KPNA2: variants seen among roughly 807,000 people sequenced by gnomAD.
The protein encoded by KPNA2 is karyopherin subunit alpha 2.
KPNA2 carries 20 observed loss-of-function variants against 53.7 expected under a neutral mutation model. The ratio of observed to expected loss-of-function variants is 0.37; its 90% confidence interval spans 0.26 to 0.54. The LOEUF is 0.54. KPNA2 is among the 20% of genes least tolerant of loss of function. KPNA2 has a pLI of 0.83. For synonymous variants in KPNA2, 238 were observed against 227.5 expected (o/e 1.05, Z -0.42); for missense variants, 515 against 640.3 (o/e 0.80, Z 2.11).
Position 68,040,758 on chromosome 17 carries a change from A to G in KPNA2, c.294A>G (p.Gln98=). 6.3e-7 allele frequency: 1 copy of G among 1,599,798 alleles called. No individual in the cohort carries two copies. The highest frequency in any genetic ancestry group is 1.1e-5 in the South Asian group (1 of 90,940). ...SNVENQLQAT[Q]AARKLLSREK... ...TGGAAAATCAGCTCCAAGCTACTCA[A>G]GCTGCCAGGTAAGTCTTGTCTGCGA... Residue 98 remains glutamine, a synonymous_variant, in exon 4 of 11, where the codon CAA becomes CAG. Coordinates refer to ENST00000330459, the MANE Select transcript of KPNA2 (RefSeq NM_002266.4).
Position 68,043,114 on chromosome 17 carries a change from T to G in KPNA2, c.681T>G (p.Arg227=), listed in dbSNP as rs2071282256. Residue 227 remains arginine (R), a synonymous_variant, in exon 7 of 11, where the codon CGT becomes CGG. Transcript: ENST00000330459. Reference sequence around the variant, plus strand: ...TTTTCCCCCAGTGTGGCTACTTACGTAATCTTACCTGGACACTTTCTAATC... The same window carrying G: ...TTTTCCCCCAGTGTGGCTACTTACGGAATCTTACCTGGACACTTTCTAATC... The part of the protein sequence containing the change: ...DMSSLACGYL[R]NLTWTLSNLC... 1 of 1,614,146 alleles carries G rather than the reference T, an allele frequency of 6.2e-7. No individual in the cohort carries two copies. Among genetic ancestry groups the G allele is most frequent in the Non-Finnish European group, 8.5e-7 (1 of 1,180,040 alleles).
intron 3 of KPNA2, among the ~76,000 whole-genome samples, chr17:68,039,126 T>C (rs2071223295): frequency 1.3e-5 from 2 of 152,096 alleles, no homozygotes. Context: ...ATGCTTCCTT[T>C]TTTTTTTGTT....
intron 1 of KPNA2, 90 bp from the exon 2 acceptor site, chr17:68,037,020 T>C (rs1490850892): frequency 2.3e-6 from 2 of 868,278 alleles, no homozygotes; most frequent in East Asian, 2.4e-5. Flanking sequence ...GTGGATTCAG[T>C]AGATGCTTGA....
At position 68,042,984 on chromosome 17, in the gene KPNA2, T is replaced by TA; in HGVS notation, c.652dup (p.Met218AsnfsTer11). 6.2e-7 allele frequency: 1 copy of TA among 1,613,636 alleles called. No individual in the cohort carries two copies. ...TGTTGGCTCTCCTTGCAGTTCCTGA[T>TA]ATGTCATCTTTAGCAGTAAGTTACT... is the stretch of plus-strand genomic sequence containing the variant. On this transcript the variant is annotated frameshift_variant, in exon 6 of 11. Coordinates refer to ENST00000330459, the MANE Select transcript of KPNA2 (RefSeq NM_002266.4). LOFTEE classifies it high-confidence loss of function.
At chr17:68,038,696 T>C (rs2071219109) in intron 3 of KPNA2, among the ~76,000 whole-genome samples, 1 of 151,980 alleles carries the variant, frequency 6.6e-6, no homozygotes, top group Non-Finnish European at 1.5e-5. Context: ...TGAAACTCCG[T>C]CTCAAGGAAA....
intron 5 of KPNA2, among the ~76,000 whole-genome samples, 186 bp downstream of exon 5, chr17:68,042,539 T>C (rs957716956): frequency 6.6e-6 from 1 of 152,206 alleles, no homozygotes; most frequent in African/African-American, 2.4e-5. Context: ...GAGTTTTTGC[T>C]GGTGCATTCA....
At chr17:68,037,245 A>T (rs2144205858) in intron 2 of KPNA2, 38 bp downstream of exon 2, 8 of 1,590,846 alleles carry the variant, frequency 5.0e-6, no homozygotes, top group Non-Finnish European at 6.9e-6. Context: ...GTGGTATTTA[A>T]ATGGGAAGAC....
chr17:68,041,478 G>T (rs62084694), intron 4 of KPNA2, among the ~76,000 whole-genome samples: 30,911 of 152,200 alleles, frequency 0.2, 4,125 homozygotes, highest in East Asian at 0.67. Context: ...ATAATCACTT[G>T]AACCCAGCAG....
At chr17:68,045,731 C>T (rs1179183373) in intron 9 of KPNA2, 41 bp from the exon 10 acceptor site, 5 of 1,416,166 alleles carry the variant, frequency 3.5e-6, no homozygotes, top group East Asian at 2.4e-5. Context: ...AAAATAAAAC[C>T]AGAGTATATG....
At chr17:68,043,791 G>A (rs782139703) in intron 7 of KPNA2, 47 bp from the exon 8 acceptor site, 2 of 1,222,090 alleles carry the variant, frequency 1.6e-6, no homozygotes, top group South Asian at 1.2e-5. Context: ...AATTTCTAAA[G>A]TGCTGGGGAA....
chr17:68,036,975 C>T (rs2071197172), intron 1 of KPNA2, 135 bp from the exon 2 acceptor site: 7 of 669,796 alleles, frequency 1.0e-5, no homozygotes, highest in African/African-American at 1.8e-5. Context: ...TTCATAGTGC[C>T]GAAAACATGA....
intron 5 of KPNA2, 38 bp downstream of exon 5, chr17:68,042,391 A>C: frequency 6.3e-7 from 1 of 1,594,690 alleles, no homozygotes; most frequent in Non-Finnish European, 8.6e-7. Context: ...GAATGTATCT[A>C]ATCGTAATTA....
Position 68,045,930 on chromosome 17 carries a change from T to C in KPNA2, c.1497+9T>C. ...AGTATTTCTCTGTAGAGGTGAGTAA[T>C]GGATGGTAATATTAATAACAACTTG... is the stretch of plus-strand genomic sequence containing the variant. On this transcript the variant is annotated intron_variant, in intron 10 of 10. Transcript: ENST00000330459. The C allele has an allele frequency of 2.6e-6, 4 of 1,513,106 alleles. No individual in the cohort carries two copies. Among genetic ancestry groups the C allele is most frequent in the Non-Finnish European group, 3.6e-6 (4 of 1,120,990 alleles). 93.7% of individuals were successfully genotyped at this position (1,513,106 alleles called of 1,614,324 possible).
Position 68,044,076 on chromosome 17 carries a change from C to T in KPNA2, c.1164+5C>T, listed in dbSNP as rs1482654286. On this transcript the variant is annotated splice_donor_5th_base_variant and intron_variant, in intron 8 of 10. Coordinates refer to ENST00000330459, the MANE Select transcript of KPNA2 (RefSeq NM_002266.4). ...CTTGTCAGTGTTCTCTCTAAGGTAA[C>T]GAAGTCTTAGGATTTAATCAAGTCA... 13 of 1,596,842 alleles carry T rather than the reference C, an allele frequency of 8.1e-6. No homozygotes were observed. Among genetic ancestry groups the T allele is most frequent in the East Asian group, 6.7e-5 (3 of 44,802 alleles).
At position 68,035,747 on chromosome 17, in the gene KPNA2, A is replaced by T. The variant is rs1231689865; in HGVS notation, c.-117A>T. Reference sequence around the variant, plus strand: ...GGCTGCACGAGCCACACGGTCTTTGAGCTGAGTCGAGGTGGACCCTTTGAA... The same window carrying T: ...GGCTGCACGAGCCACACGGTCTTTGTGCTGAGTCGAGGTGGACCCTTTGAA... On this transcript the variant is annotated 5_prime_UTR_variant, in exon 1 of 11. Transcript: ENST00000330459. The T allele has an allele frequency of 6.6e-6, 1 of 152,170 alleles. No homozygotes were observed. Among genetic ancestry groups the T allele is most frequent in the Non-Finnish European group, 1.5e-5 (1 of 68,142 alleles). 9.4% of individuals were successfully genotyped at this position (152,170 alleles called of 1,614,324 possible). A position where few individuals can be genotyped will look rare whatever the true frequency, so the allele number is the denominator to read the frequency against.
chr17:68,037,402 A>G lies in KPNA2; in HGVS notation c.120A>G (p.Lys40=), dbSNP rs1555703939. The G allele has an allele frequency of 6.2e-7, 1 of 1,614,102 alleles. No individual in the cohort carries two copies. The highest frequency in any genetic ancestry group is 8.5e-7 in the Non-Finnish European group (1 of 1,179,978). The part of the protein sequence containing the change: ...RRIEVNVELR[K]AKKDDQMLKR... Reference sequence around the variant, plus strand: ...TAGAGGTCAATGTGGAGCTGAGGAAAGCTAAGAAGGATGACCAGATGCTGA... The same window carrying G: ...TAGAGGTCAATGTGGAGCTGAGGAAGGCTAAGAAGGATGACCAGATGCTGA... The change falls in exon 3 of 11, where the codon AAA becomes AAG. Residue 40 remains lysine, a synonymous_variant. Coordinates refer to ENST00000330459, the MANE Select transcript of KPNA2 (RefSeq NM_002266.4).
intron 1 of KPNA2, chr17:68,036,357 C>T (rs1166432458): frequency 6.6e-6 from 1 of 152,248 alleles, no homozygotes; most frequent in African/African-American, 2.4e-5. Flanking sequence ...TAATTAAGCG[C>T]ATTCACTCCT....
chr17:68,043,096 C>A lies in KPNA2; in HGVS notation c.667-4C>A. On this transcript the variant is annotated splice_region_variant and splice_polypyrimidine_tract_variant and intron_variant, in intron 6 of 10. Coordinates refer to ENST00000330459, the MANE Select transcript of KPNA2 (RefSeq NM_002266.4). The stretch of plus-strand genomic sequence containing the variant: ...CCTCTCATTGCCTATTTTTTTTCCC[C>A]CAGTGTGGCTACTTACGTAATCTTA... 1 of 1,613,150 alleles carries A rather than the reference C, an allele frequency of 6.2e-7. No homozygotes were observed. Among genetic ancestry groups the A allele is most frequent in the Non-Finnish European group, 8.5e-7 (1 of 1,179,678 alleles).
intron 9 of KPNA2, among the ~76,000 whole-genome samples, chr17:68,044,818 G>A (rs1555705214): frequency 6.6e-6 from 1 of 152,200 alleles, no homozygotes. Context: ...GACTTGGCCA[G>A]GCACGGTGGC....
Sources: gnomAD v4.1 joint callset for allele counts (sites outside exome capture counted in the v4.1 genomes callset) on GRCh38, gnomAD v4.1.1 for gene constraint, MANE v1.5 for transcripts, NCBI Gene and HGNC (gene_info 2026-07-23, HGNC 2026-07-21) for gene names.